The following KAZN variants were observed in gnomAD, a reference collection of about 807,000 sequenced individuals.
The protein encoded by KAZN is kazrin, periplakin interacting protein, also known as kazrin.
Under a neutral mutation model 87.4 loss-of-function variants are expected in KAZN, and 40 were observed. The ratio of observed to expected loss-of-function variants is 0.46; its 90% CI spans 0.36 to 0.60. KAZN has a LOEUF of 0.60. KAZN is among the 20% of genes least tolerant of loss of function. The pLI, the probability that KAZN is intolerant of heterozygous loss-of-function variation, is 0.00. For missense variants in KAZN, 898 were observed against 1,073.9 expected (o/e 0.84, Z 2.29); for synonymous variants, 466 against 458.3 (o/e 1.02, Z -0.22).
intron 2 of KAZN, among the ~76,000 whole-genome samples, chr1:14,475,755 G>A (rs1039096736): frequency 1.3e-5 from 2 of 152,146 alleles, no homozygotes; most frequent in African/African-American, 2.4e-5. Context: ...TTGAACATAA[G>A]TTGGAAGAAG....
chr1:14,927,188 C>A (rs1659265957), intron 1 of KAZN, among the ~76,000 whole-genome samples: 1 of 152,200 alleles, frequency 6.6e-6, no homozygotes, highest in South Asian at 2.1e-4. Flanking sequence ...CATTCCAGAG[C>A]CCCCTCAGAG....
intron 1 of KAZN, among the ~76,000 whole-genome samples, chr1:14,107,549 A>G (rs1644405127): frequency 6.6e-6 from 1 of 152,120 alleles, no homozygotes; most frequent in Admixed American, 6.5e-5. Flanking sequence ...AAGGAAGAAC[A>G]CCATATGGCG....
chr1:13,901,933 C>T (rs1639266120), intron 1 of KAZN, among the ~76,000 whole-genome samples: 1 of 152,236 alleles, frequency 6.6e-6, no homozygotes, highest in African/African-American at 2.4e-5. Flanking sequence ...TCATGGGTTC[C>T]TGAAGGCCTG....
rs185526836 is a variant in KAZN, at chr1:13,965,349, C to T, written c.91+71593C>T. Among the ~76,000 whole-genome samples, 339 of 152,194 alleles carry T rather than the reference C, an allele frequency of 2.2e-3. 2 individuals are homozygous for T. The highest frequency in any genetic ancestry group is 4.1e-3 in the Non-Finnish European group (277 of 67,986). On this transcript the variant is annotated intron_variant, in intron 1 of 16. Transcript: ENST00000636203. Reference sequence around the variant, plus strand: ...GCACCTGCCCCTAGACGCTGTGGGACGTCACATTCTAGGGCTGTTTTGAGG... The same window carrying T: ...GCACCTGCCCCTAGACGCTGTGGGATGTCACATTCTAGGGCTGTTTTGAGG...
Position 14,698,590 on chromosome 1 carries a change from C to T in KAZN, c.226+99367C>T, listed in dbSNP as rs191692954. ...TGCCACAGAGCCGCCCAGTGTTTCCCCTTTGGAGCTATTCTTTTGTAGCTA... is the reference window on the plus strand; with the variant it reads ...TGCCACAGAGCCGCCCAGTGTTTCCTCTTTGGAGCTATTCTTTTGTAGCTA... On this transcript the variant is annotated intron_variant, in intron 1 of 14. Coordinates refer to ENST00000376030, the MANE Select transcript of KAZN (RefSeq NM_201628.3). Among the ~76,000 whole-genome samples the T allele has an allele frequency of 2.4e-3, 367 of 152,316 alleles. 1 individual carries two copies. Among genetic ancestry groups the T allele is most frequent in the African/African-American group, 8.5e-3 (353 of 41,562 alleles).
At chr1:14,458,654 C>A (rs1198280730) in intron 2 of KAZN, among the ~76,000 whole-genome samples, 1 of 152,124 alleles carries the variant, frequency 6.6e-6, no homozygotes, top group African/African-American at 2.4e-5. Flanking sequence ...TTTCTAAAAA[C>A]TTCTGTTCAA....
chr1:15,094,363 CGGAGAACGT>C lies in KAZN; in HGVS notation c.1408_1416del (p.Glu470_Val472del). 1 of 1,613,376 alleles carries C rather than the reference CGGAGAACGT, an allele frequency of 6.2e-7. No individual in the cohort carries two copies. The highest frequency in any genetic ancestry group is 8.5e-7 in the Non-Finnish European group (1 of 1,179,650). The stretch of plus-strand genomic sequence containing the variant: ...ATGCCTATGTACGTCAAGGCCTGCA[CGGAGAACGT>C]GAAGAGCGGGAAGGTAGGCAACTCC... On this transcript the variant is annotated inframe_deletion, in exon 9 of 15. Coordinates refer to ENST00000376030, the MANE Select transcript of KAZN (RefSeq NM_201628.3). The surrounding 1 kb of genome is among the most constrained non-coding windows in gnomAD (Gnocchi z 4.5).
Position 15,114,669 on chromosome 1 carries a change from G to A in KAZN, c.*34G>A, listed in dbSNP as rs568299954. 4.3e-4 allele frequency: 660 copies of A among 1,551,666 alleles called. 6 individuals are homozygous for A. The South Asian group carries it at 6.6e-3, about 16-fold the overall frequency. ...TGGCTCCACCAGACCCAACGTGAGAGACCCAGGAAGGAAGAGAAGCCAGAT... is the reference window on the plus strand; with the variant it reads ...TGGCTCCACCAGACCCAACGTGAGAAACCCAGGAAGGAAGAGAAGCCAGAT... On this transcript the variant is annotated 3_prime_UTR_variant, in exon 15 of 15. Transcript: ENST00000376030.
chr1:14,927,902 G>A (rs917835208), intron 1 of KAZN, among the ~76,000 whole-genome samples: 1 of 152,116 alleles, frequency 6.6e-6, no homozygotes, highest in African/African-American at 2.4e-5. Context: ...TTTGTGTACC[G>A]GCTCCCAGCA....
At chr1:14,620,149 T>C (rs1298121591) in intron 1 of KAZN, among the ~76,000 whole-genome samples, 1 of 152,236 alleles carries the variant, frequency 6.6e-6, no homozygotes, top group Non-Finnish European at 1.5e-5. Context: ...ATTTTACACG[T>C]GTATGTATAG....
intron 1 of KAZN, among the ~76,000 whole-genome samples, chr1:14,697,422 T>C (rs1287027423): frequency 1.3e-5 from 2 of 152,188 alleles, no homozygotes; most frequent in Admixed American, 6.5e-5. Context: ...GAGGAAACAA[T>C]GACCTCCTGT....
intron 3 of KAZN, among the ~76,000 whole-genome samples, chr1:15,036,958 G>A (rs925204252): frequency 2.6e-5 from 4 of 152,170 alleles, no homozygotes; most frequent in African/African-American, 4.8e-5. Context: ...TGCAGCCGGC[G>A]ATGGCAGGGC....
intron 2 of KAZN, among the ~76,000 whole-genome samples, chr1:15,011,806 G>A (rs1669596291): frequency 6.6e-6 from 1 of 152,130 alleles, no homozygotes; most frequent in Non-Finnish European, 1.5e-5. Flanking sequence ...AGCCAACACT[G>A]CGCACTCAGG....
chr1:14,502,219 C>T (rs1422764984), intron 2 of KAZN, among the ~76,000 whole-genome samples: 1 of 152,014 alleles, frequency 6.6e-6, no homozygotes, highest in Non-Finnish European at 1.5e-5. Context: ...GAAATCTGTG[C>T]TTGTCCTCTC....
At position 14,189,477 on chromosome 1, in the gene KAZN, A is replaced by G. The variant is rs568665553; in HGVS notation, c.249+8885A>G. 2.0e-5 allele frequency among the ~76,000 whole-genome samples: 3 copies of G among 152,316 alleles called. No individual in the cohort carries two copies. In the East Asian group the frequency reaches 5.8e-4, roughly 29 times the overall value. On this transcript the variant is annotated intron_variant, in intron 2 of 16. Transcript: ENST00000636203. ...CTACTTCTATACTTCCTGTAAGTCT[A>G]TGGATTGCCTGGGTAATTCTGCTAA...
intron 1 of KAZN, among the ~76,000 whole-genome samples, chr1:14,689,462 CT>C (rs1169960004): frequency 6.6e-6 from 1 of 152,160 alleles, no homozygotes; most frequent in Non-Finnish European, 1.5e-5. Flanking sequence ...GAAATACCCT[CT>C]AGCCCAGCAA....
intron 1 of KAZN, among the ~76,000 whole-genome samples, chr1:14,843,340 G>A (rs1648255603): frequency 6.6e-6 from 1 of 152,186 alleles, no homozygotes; most frequent in South Asian, 2.1e-4. Context: ...AGACCTCTCT[G>A]AGGAGGTAGA....
At chr1:14,952,760 C>T (rs921140454) in intron 1 of KAZN, among the ~76,000 whole-genome samples, 2 of 152,058 alleles carry the variant, frequency 1.3e-5, no homozygotes, top group Non-Finnish European at 2.9e-5. Context: ...TGGGGAAGCC[C>T]GAAGGTCAGG....
intron 1 of KAZN, among the ~76,000 whole-genome samples, chr1:14,778,779 C>T (rs888544664): frequency 6.6e-6 from 1 of 152,110 alleles, no homozygotes; most frequent in Non-Finnish European, 1.5e-5. Context: ...AAAAAACAAC[C>T]ATTTTTATTT....
Sources: allele counts gnomAD v4.1 joint callset (sites outside exome capture counted in the v4.1 genomes callset), GRCh38; gene constraint gnomAD v4.1.1; non-coding constraint Gnocchi (gnomAD v3.1); transcripts MANE v1.5; gene names NCBI Gene and HGNC (gene_info 2026-07-23, HGNC 2026-07-21).